The following PTGER2 variants were observed in gnomAD, a reference collection of about 807,000 sequenced individuals.
The protein encoded by PTGER2 is prostaglandin E2 receptor EP2 subtype.
PTGER2 carries 22 observed loss-of-function variants against 26.2 expected under a neutral mutation model. The observed-to-expected ratio is 0.84, with a 90% CI of 0.60 to 1.20. PTGER2 has a LOEUF of 1.20. PTGER2 is among the 50% of genes most tolerant of loss of function. PTGER2 has a pLI of 0.00. For missense variants in PTGER2, 458 were observed against 475.2 expected, an observed-to-expected ratio of 0.96 and a Z score of 0.34; for synonymous variants, 219 against 208.9, an observed-to-expected ratio of 1.05 and a Z score of -0.42.
chr14:52,323,456 G>A (rs1307210849), intron 1 of PTGER2, among the ~76,000 whole-genome samples: 1 of 152,092 alleles, frequency 6.6e-6, no homozygotes, highest in Non-Finnish European at 1.5e-5. Flanking sequence ...GTTTCACCAT[G>A]TTGGCCAGGC....
At chr14:52,326,709 T>C (rs1330471057) in intron 1 of PTGER2, among the ~76,000 whole-genome samples, 10 of 152,216 alleles carry the variant, frequency 6.6e-5, no homozygotes, top group African/African-American at 2.4e-4. Flanking sequence ...TATTTGGAAG[T>C]AAATGTAACA....
Position 52,315,247 on chromosome 14 carries a change from C to T in PTGER2, c.699C>T (p.Arg233=), listed in dbSNP as rs566130941. 4.5e-5 allele frequency: 72 copies of T among 1,613,008 alleles called. 1 individual carries two copies. The South Asian group carries it at 7.8e-4, about 17-fold the overall frequency. ...IRMHRRSRRS[R]CGPSLGSGRG... is the part of the protein sequence containing the mutation. Reference sequence around the variant, plus strand: ...TGCACCGCCGAAGCCGGAGAAGCCGCTGCGGACCTTCCCTGGGCAGTGGCC... The same window carrying T: ...TGCACCGCCGAAGCCGGAGAAGCCGTTGCGGACCTTCCCTGGGCAGTGGCC... The change falls in exon 1 of 2, where the codon CGC becomes CGT. Residue 233 remains arginine (R), a synonymous_variant. Coordinates refer to ENST00000245457, the MANE Select transcript of PTGER2 (RefSeq NM_000956.4).
chr14:52,315,816 A>G (rs1217533321), intron 1 of PTGER2, among the ~76,000 whole-genome samples: 3 of 152,154 alleles, frequency 2.0e-5, no homozygotes, highest in African/African-American at 4.8e-5. Flanking sequence ...TGTACCTCTC[A>G]TCCACTGGTG....
At chr14:52,316,211 G>C (rs951284035) in intron 1 of PTGER2, among the ~76,000 whole-genome samples, 1 of 152,206 alleles carries the variant, frequency 6.6e-6, no homozygotes, top group African/African-American at 2.4e-5. Flanking sequence ...AGGAATGGCT[G>C]GTCCCTCTCA....
chr14:52,317,395 G>A (rs1468532888), intron 1 of PTGER2, among the ~76,000 whole-genome samples: 1 of 152,176 alleles, frequency 6.6e-6, no homozygotes, highest in Admixed American at 6.5e-5. Flanking sequence ...AGGTTGCCCT[G>A]TTTTCATGTA....
intron 1 of PTGER2, among the ~76,000 whole-genome samples, chr14:52,319,043 A>C (rs1036330893): frequency 5.3e-5 from 8 of 152,224 alleles, no homozygotes; most frequent in African/African-American, 1.7e-4. Flanking sequence ...CAATTTAAGC[A>C]CTGAGCCAAT....
chr14:52,321,172 C>T (rs1051916312), intron 1 of PTGER2, among the ~76,000 whole-genome samples: 1 of 152,172 alleles, frequency 6.6e-6, no homozygotes, highest in African/African-American at 2.4e-5. Context: ...AAATAGGCTT[C>T]TGTTTCCCTC....
rs45478594 is a variant in PTGER2, at chr14:52,327,244, C to G, written c.867C>G (p.Thr289=). 170 of 1,609,108 alleles carry G rather than the reference C, an allele frequency of 1.1e-4. 1 individual carries two copies. The African/African-American group carries it at 2.1e-3, about 20-fold the overall frequency. Residue 289 remains threonine, a synonymous_variant, in exon 2 of 2, where the codon ACC becomes ACG. Transcript: ENST00000245457. ...PFTIFAYMNE[T]SSRKEKWDLQ... ...AGATTTTTGCATATATGAATGAAAC[C>G]TCTTCCCGAAAGGAAAAATGGGACC...
chr14:52,321,823 A>G (rs1281556749), intron 1 of PTGER2, among the ~76,000 whole-genome samples: 1 of 152,260 alleles, frequency 6.6e-6, no homozygotes, highest in Non-Finnish European at 1.5e-5. Context: ...GTTAGCTGCT[A>G]TCTCTAGGGG....
intron 1 of PTGER2, among the ~76,000 whole-genome samples, chr14:52,321,585 T>C (rs563748711): frequency 2.6e-4 from 40 of 152,292 alleles, no homozygotes; most frequent in Admixed American, 2.1e-3. Context: ...GGCAGCAGAG[T>C]GTCTAGTGGC....
In PTGER2 at chr14:52,328,423, G is replaced by A. The variant is rs1317026037; in HGVS notation, c.*969G>A. ...ATATTTTATTTAGGGAACATGGTTTGACTCATCTTATATGGGAAACCATGT... is the reference window on the plus strand; with the variant it reads ...ATATTTTATTTAGGGAACATGGTTTAACTCATCTTATATGGGAAACCATGT... On this transcript the variant is annotated 3_prime_UTR_variant, in exon 2 of 2. Transcript: ENST00000245457. 2 of 152,590 alleles carry A rather than the reference G, an allele frequency of 1.3e-5. No homozygotes were observed. The highest frequency in any genetic ancestry group is 3.9e-4 in the East Asian group (2 of 5,194). The allele number at this position is 152,590 out of a possible 1,614,324, so 9.5% of individuals were successfully genotyped here.
chr14:52,326,921 C>T (rs1198086082), intron 1 of PTGER2, among the ~76,000 whole-genome samples: 3 of 152,034 alleles, frequency 2.0e-5, no homozygotes, highest in South Asian at 2.1e-4. Context: ...TTCTAGATGA[C>T]AAGAAAAGTT....
At position 52,315,193 on chromosome 14, in the gene PTGER2, C is replaced by T; in HGVS notation, c.645C>T (p.Asn215=). 3 of 1,602,980 alleles carry T rather than the reference C, an allele frequency of 1.9e-6. No homozygotes were observed. Among genetic ancestry groups the T allele is most frequent in the Non-Finnish European group, 1.7e-6 (2 of 1,177,538 alleles). The part of the protein sequence containing the change: ...LLLIVSVLAC[N]FSVILNLIRM... ...TCATTGTCTCGGTGCTCGCCTGCAA[C>T]TTCAGTGTCATTCTCAACCTCATCC... The change falls in exon 1 of 2, where the codon AAC becomes AAT. Residue 215 remains asparagine, a synonymous_variant. Coordinates refer to ENST00000245457, the MANE Select transcript of PTGER2 (RefSeq NM_000956.4).
At chr14:52,325,520 C>A (rs2033941241) in intron 1 of PTGER2, among the ~76,000 whole-genome samples, 1 of 152,168 alleles carries the variant, frequency 6.6e-6, no homozygotes, top group African/African-American at 2.4e-5. Flanking sequence ...CGTGTGTGTG[C>A]ATATGTAATC....
chr14:52,323,630 T>A (rs1276010490), intron 1 of PTGER2, among the ~76,000 whole-genome samples: 2 of 152,344 alleles, frequency 1.3e-5, no homozygotes, highest in East Asian at 3.8e-4. Context: ...CTGAACCCAC[T>A]TTGTAATTGC....
chr14:52,320,049 G>A (rs2033879754), intron 1 of PTGER2, among the ~76,000 whole-genome samples: 1 of 152,140 alleles, frequency 6.6e-6, no homozygotes, highest in Non-Finnish European at 1.5e-5. Context: ...TAACAATTCT[G>A]GTAGGAATGA....
chr14:52,327,251 C>T lies in PTGER2; in HGVS notation c.874C>T (p.Arg292Ter), dbSNP rs770928810. Reference protein sequence around the residue: ...IFAYMNETSSRKEKWDLQALR... With the variant: ...IFAYMNETSS ...TGCATATATGAATGAAACCTCTTCC[C>T]GAAAGGAAAAATGGGACCTCCAAGC... The change falls in exon 2 of 2, where the codon CGA becomes TGA. Residue 292 changes from arginine (R) to a stop codon, truncating the protein, a stop_gained. Coordinates refer to ENST00000245457, the MANE Select transcript of PTGER2 (RefSeq NM_000956.4). LOFTEE classifies it high-confidence loss of function. The T allele has an allele frequency of 3.0e-5, 48 of 1,611,378 alleles. No individual in the cohort carries two copies. Among genetic ancestry groups the T allele is most frequent in the African/African-American group, 5.4e-5 (4 of 74,746 alleles).
rs542877999 is a variant in PTGER2 at position 52,328,289 on chromosome 14, A to C, written c.*835A>C. The C allele has an allele frequency of 6.5e-6, 1 of 152,736 alleles. No homozygotes were observed. Among genetic ancestry groups the C allele is most frequent in the African/African-American group, 2.4e-5 (1 of 41,574 alleles). 9.5% of individuals were successfully genotyped at this position (152,736 alleles called of 1,614,324 possible). On this transcript the variant is annotated 3_prime_UTR_variant, in exon 2 of 2. Transcript: ENST00000245457. ...CAAATATTAGGCTTAAAAACTGAAA[A>C]ATCTGGTTCATTCTTCAGATATACT...
intron 1 of PTGER2, among the ~76,000 whole-genome samples, chr14:52,320,237 A>G (rs2033881546): frequency 6.6e-6 from 1 of 152,238 alleles, no homozygotes; most frequent in South Asian, 2.1e-4. Flanking sequence ...GTTCCTCTAT[A>G]TGAGTGTTTT....
Sources: gnomAD v4.1 joint callset for allele counts (sites outside exome capture counted in the v4.1 genomes callset) on GRCh38, gnomAD v4.1.1 for gene constraint, MANE v1.5 for transcripts, NCBI Gene and HGNC (gene_info 2026-07-23, HGNC 2026-07-21) for gene names.